Variants in SRBD1 observed in about 807,000 individuals in gnomAD.
SRBD1 encodes the protein S1 RNA-binding domain-containing protein 1.
SRBD1 carries 88 observed loss-of-function variants against 115.3 expected under a neutral mutation model. The ratio of observed to expected loss-of-function variants is 0.76; its 90% confidence interval spans 0.64 to 0.91. SRBD1 has a LOEUF of 0.91. SRBD1 is among the 40% of genes least tolerant of loss of function. The pLI is 0.00. For synonymous variants in SRBD1, 509 were observed against 407.7 expected (o/e 1.25, Z -2.99); for missense variants, 1,385 against 1,177.4 (o/e 1.18, Z -2.58).
intron 11 of SRBD1, among the ~76,000 whole-genome samples, chr2:45,551,786 T>A (rs1047242336): frequency 2.6e-5 from 4 of 152,194 alleles, no homozygotes; most frequent in Non-Finnish European, 4.4e-5. Flanking sequence ...CAAAGGGTCA[T>A]GCATGTTCTT....
chr2:45,458,892 C>T (rs1056703257), intron 16 of SRBD1, among the ~76,000 whole-genome samples: 1 of 151,866 alleles, frequency 6.6e-6, no homozygotes, highest in Non-Finnish European at 1.5e-5. Context: ...GACGTTTTGG[C>T]AAATATTATA....
chr2:45,515,082 C>A (rs1671078957), intron 14 of SRBD1, among the ~76,000 whole-genome samples: 1 of 152,076 alleles, frequency 6.6e-6, no homozygotes. Context: ...CTGTTTCAAG[C>A]TCAAGAACAG....
intron 10 of SRBD1, among the ~76,000 whole-genome samples, chr2:45,555,423 T>C (rs1429055183): frequency 6.6e-6 from 1 of 151,892 alleles, no homozygotes; most frequent in Non-Finnish European, 1.5e-5. Context: ...CCCAGAATTT[T>C]TTGGAAAAAT....
chr2:45,477,382 T>C (rs1383330863), intron 15 of SRBD1, among the ~76,000 whole-genome samples: 1 of 152,238 alleles, frequency 6.6e-6, no homozygotes, highest in Non-Finnish European at 1.5e-5. Context: ...TACCTATTCA[T>C]TCTTCATTCT....
At chr2:45,412,431 T>C (rs941260356) in intron 19 of SRBD1, among the ~76,000 whole-genome samples, 3 of 152,004 alleles carry the variant, frequency 2.0e-5, no homozygotes, top group African/African-American at 7.2e-5. Context: ...TAATCAAATA[T>C]AAGTGATTTT....
At chr2:45,434,000 T>C (rs1668414842) in intron 16 of SRBD1, among the ~76,000 whole-genome samples, 1 of 152,214 alleles carries the variant, frequency 6.6e-6, no homozygotes, top group Non-Finnish European at 1.5e-5. Flanking sequence ...GATTGAAGCA[T>C]GGCCAGTGGT....
Position 45,599,390 on chromosome 2 carries a change from T to C in SRBD1, c.648+59A>G, listed in dbSNP as rs920555049. The C allele has an allele frequency of 1.2e-5, 19 of 1,566,012 alleles. No individual in the cohort carries two copies. The African/African-American group carries it at 1.9e-4, about 16-fold the overall frequency. On this transcript the variant is annotated intron_variant, in intron 4 of 20. Coordinates refer to ENST00000263736, the MANE Select transcript of SRBD1 (RefSeq NM_018079.5). ...CTTCCCTTAGACAGTACAACCCCTA[T>C]GCTAGTCAAAAAGAAAGCACTCAAA...
intron 19 of SRBD1, among the ~76,000 whole-genome samples, chr2:45,407,558 T>C (rs1667474066): frequency 6.6e-6 from 1 of 152,154 alleles, no homozygotes; most frequent in Non-Finnish European, 1.5e-5. Context: ...CATTTTTATA[T>C]ACTTCAGCCC....
At chr2:45,452,169 T>C (rs751552333) in intron 16 of SRBD1, among the ~76,000 whole-genome samples, 3 of 152,022 alleles carry the variant, frequency 2.0e-5, no homozygotes, top group Non-Finnish European at 4.4e-5. Context: ...TTAGAATCTG[T>C]CTTTAAAATT....
At chr2:45,510,920 TGAACAA>T (rs1368502533) in intron 14 of SRBD1, among the ~76,000 whole-genome samples, 3 of 152,154 alleles carry the variant, frequency 2.0e-5, no homozygotes. Context: ...GCTTTTCAAA[TGAACAA>T]ATACAAAGAA....
intron 9 of SRBD1, among the ~76,000 whole-genome samples, chr2:45,570,313 G>A (rs1672967862): frequency 6.6e-6 from 1 of 152,192 alleles, no homozygotes. Flanking sequence ...ACAAGAGTAG[G>A]GAGAGTGGGG....
In SRBD1 at chr2:45,495,076, C is replaced by G. The variant is rs1361822054; in HGVS notation, c.1875-6745G>C. Among the ~76,000 whole-genome samples the G allele has an allele frequency of 2.6e-5, 4 of 152,110 alleles. No individual in the cohort carries two copies. In the East Asian group the frequency reaches 7.7e-4, roughly 29 times the overall value. On this transcript the variant is annotated intron_variant, in intron 14 of 20. Transcript: ENST00000263736. The stretch of plus-strand genomic sequence containing the variant: ...ACCAACCAGAGGATCTAAGTATACT[C>G]CAGGATGGACATCCTATCAAATCTT...
At chr2:45,466,744 T>C (rs1572672136) in intron 16 of SRBD1, among the ~76,000 whole-genome samples, 1 of 152,222 alleles carries the variant, frequency 6.6e-6, no homozygotes, top group East Asian at 1.9e-4. Flanking sequence ...CTCTCACCCT[T>C]AGATACTGGC....
At chr2:45,544,835 C>G (rs66854896) in intron 14 of SRBD1, among the ~76,000 whole-genome samples, 78,642 of 151,806 alleles carry the variant, frequency 0.52, 20,806 homozygotes, top group African/African-American at 0.56. Flanking sequence ...GTTTATTAAA[C>G]CCTTAGTGTT....
intron 10 of SRBD1, among the ~76,000 whole-genome samples, chr2:45,558,134 T>C (rs771314787): frequency 6.6e-6 from 1 of 152,092 alleles, no homozygotes; most frequent in African/African-American, 2.4e-5. Context: ...AAAATTAACT[T>C]ATCAAGTCAA....
intron 4 of SRBD1, 63 bp downstream of exon 4, chr2:45,599,386 C>G: frequency 6.6e-7 from 1 of 1,525,358 alleles, no homozygotes; most frequent in Non-Finnish European, 8.8e-7. Flanking sequence ...CAGTACAACC[C>G]CTATGCTAGT....
chr2:45,411,616 C>G (rs1195554543), intron 19 of SRBD1, among the ~76,000 whole-genome samples: 1 of 152,024 alleles, frequency 6.6e-6, no homozygotes, highest in East Asian at 1.9e-4. Flanking sequence ...TTCCTGATCT[C>G]AACAGCAGTT....
chr2:45,444,176 C>T (rs529757737), intron 16 of SRBD1, among the ~76,000 whole-genome samples: 26 of 152,142 alleles, frequency 1.7e-4, no homozygotes, highest in African/African-American at 5.5e-4. Context: ...AAGGACAAGG[C>T]GTGAGGATCT....
intron 19 of SRBD1, among the ~76,000 whole-genome samples, chr2:45,405,657 C>T (rs926260805): frequency 5.9e-5 from 9 of 152,090 alleles, no homozygotes; most frequent in Non-Finnish European, 1.3e-4. Flanking sequence ...AGAATATATA[C>T]ATCTACAGGG....
Sources: allele counts gnomAD v4.1 joint callset (sites outside exome capture counted in the v4.1 genomes callset), GRCh38; gene constraint gnomAD v4.1.1; transcripts MANE v1.5; gene names NCBI Gene and HGNC (gene_info 2026-07-23, HGNC 2026-07-21).